Variants in GALNTL6 observed in about 807,000 individuals in gnomAD.
GALNTL6 encodes polypeptide N-acetylgalactosaminyltransferase like 6.
In GALNTL6, 46 loss-of-function variants were observed where a neutral mutation model predicts 73.7. The ratio of observed to expected loss-of-function variants is 0.62; its 90% CI spans 0.49 to 0.80. The LOEUF (loss-of-function observed/expected upper bound fraction) is 0.80, where lower values mean the gene tolerates loss of function less well. Among genes scored for constraint, GALNTL6 ranks in the 30% least tolerant of loss-of-function variants. The pLI is 0.00. For synonymous variants in GALNTL6, 259 were observed against 263.7 expected, an observed-to-expected ratio of 0.98 and a Z score of 0.17; for missense variants, 604 against 755.0, an observed-to-expected ratio of 0.80 and a Z score of 2.34.
intron 3 of GALNTL6, among the ~76,000 whole-genome samples, chr4:172,241,244 A>C (rs530226758): frequency 7.2e-5 from 11 of 152,316 alleles, no homozygotes; most frequent in Non-Finnish European, 2.9e-5. Flanking sequence ...TAGCCATCTT[A>C]GTTCCCTTCA....
chr4:172,305,826 G>A (rs1368155963), intron 3 of GALNTL6, among the ~76,000 whole-genome samples: 1 of 151,982 alleles, frequency 6.6e-6, no homozygotes, highest in Non-Finnish European at 1.5e-5. Context: ...CACCAGTTTT[G>A]TTTTATACCT....
intron 8 of GALNTL6, among the ~76,000 whole-genome samples, chr4:172,894,410 T>G (rs911979925): frequency 6.6e-5 from 10 of 152,212 alleles, no homozygotes; most frequent in Admixed American, 4.6e-4. Context: ...CCAATTTTGT[T>G]TCAAGAAATA....
At chr4:172,336,185 T>TA (rs1741310034) in intron 4 of GALNTL6, among the ~76,000 whole-genome samples, 1 of 151,944 alleles carries the variant, frequency 6.6e-6, no homozygotes, top group Non-Finnish European at 1.5e-5. Context: ...ATTTATATCT[T>TA]AATTTATTTG....
chr4:172,917,962 T>G (rs1246940711), intron 8 of GALNTL6, among the ~76,000 whole-genome samples: 1 of 152,174 alleles, frequency 6.6e-6, no homozygotes, highest in Non-Finnish European at 1.5e-5. Flanking sequence ...ATGTTTATTG[T>G]GGCACTATTC....
intron 5 of GALNTL6, among the ~76,000 whole-genome samples, chr4:172,499,064 A>G (rs966076774): frequency 4.6e-5 from 7 of 152,186 alleles, no homozygotes; most frequent in Non-Finnish European, 7.3e-5. Flanking sequence ...CCGCCCACCT[A>G]TCTAGTCCTC....
chr4:172,527,205 T>C (rs80342532), intron 5 of GALNTL6, among the ~76,000 whole-genome samples: 2,547 of 152,264 alleles, frequency 0.017, 66 homozygotes, highest in African/African-American at 0.058. Flanking sequence ...CTAACAAAGA[T>C]AACTTTTGCA....
At chr4:172,554,700 C>T (rs1736080807) in intron 5 of GALNTL6, among the ~76,000 whole-genome samples, 2 of 152,134 alleles carry the variant, frequency 1.3e-5, no homozygotes, top group African/African-American at 2.4e-5. Flanking sequence ...TTTTCCTCAA[C>T]ATTGTGGTTA....
intron 5 of GALNTL6, among the ~76,000 whole-genome samples, chr4:172,762,947 T>A (rs1738202821): frequency 6.6e-6 from 1 of 152,116 alleles, no homozygotes; most frequent in South Asian, 2.1e-4. Flanking sequence ...TTCTCTTTAC[T>A]TAAATAAAAA....
chr4:171,821,633 C>A (rs1734686359), intron 2 of GALNTL6, among the ~76,000 whole-genome samples: 1 of 119,432 alleles, frequency 8.4e-6, no homozygotes, highest in Non-Finnish European at 1.7e-5. Flanking sequence ...TATAACAAGG[C>A]TTAACGGATA....
At chr4:172,649,478 A>G (rs1579288069) in intron 5 of GALNTL6, among the ~76,000 whole-genome samples, 2 of 152,310 alleles carry the variant, frequency 1.3e-5, no homozygotes, top group South Asian at 4.1e-4. Context: ...AACTGCCTGT[A>G]TTTCTATTAA....
intron 5 of GALNTL6, among the ~76,000 whole-genome samples, chr4:172,626,970 A>G (rs1579257642): frequency 6.6e-6 from 1 of 152,188 alleles, no homozygotes; most frequent in East Asian, 1.9e-4. Flanking sequence ...TTCTTTTCCT[A>G]TTTAGATGCC....
chr4:171,907,931 T>C (rs1274071435), intron 2 of GALNTL6, among the ~76,000 whole-genome samples: 3 of 152,036 alleles, frequency 2.0e-5, no homozygotes, highest in Admixed American at 6.6e-5. Flanking sequence ...CTGGGAAAAC[T>C]GGCTAGCCAT....
At chr4:172,586,415 G>A (rs1737410258) in intron 5 of GALNTL6, among the ~76,000 whole-genome samples, 1 of 148,914 alleles carries the variant, frequency 6.7e-6, no homozygotes, top group African/African-American at 2.5e-5. Context: ...AGGTGTCCAA[G>A]ACAGTTTATG....
At chr4:172,940,274 A>C (rs1265989711) in intron 9 of GALNTL6, among the ~76,000 whole-genome samples, 1 of 151,940 alleles carries the variant, frequency 6.6e-6, no homozygotes, top group African/African-American at 2.4e-5. Flanking sequence ...TTTAAAAAAC[A>C]CTATGGACTG....
At chr4:172,069,535 A>ATG (rs58953734) in intron 2 of GALNTL6, among the ~76,000 whole-genome samples, 2,444 of 55,934 alleles carry the variant, frequency 0.044, 783 homozygotes, top group Non-Finnish European at 0.055. Context: ...TAACACATAT[A>ATG]TTATATATAA....
Position 172,206,804 on chromosome 4 carries a change from TG to T in GALNTL6, c.139-22851del, listed in dbSNP as rs1560969299. ...TTTGTTTTGTTTTGTTTTGTTTTTCTGTTTTTTTTGTTTGTTTTTTTTTTTT... is the reference window on the plus strand; with the variant it reads ...TTTGTTTTGTTTTGTTTTGTTTTTCTTTTTTTTTGTTTGTTTTTTTTTTTT... On this transcript the variant is annotated intron_variant, in intron 2 of 12. Transcript: ENST00000506823. Among the ~76,000 whole-genome samples, 6 of 9,084 alleles carry T rather than the reference TG, an allele frequency of 6.6e-4. 1 individual carries two copies. The highest frequency in any genetic ancestry group is 2.6e-3 in the Non-Finnish European group (6 of 2,348). 6.0% of individuals were successfully genotyped at this position (9,084 alleles called of 152,430 possible). A position where few individuals can be genotyped will look rare whatever the true frequency, so the allele number is the denominator to read the frequency against.
At chr4:172,004,423 T>TC (rs1740766076) in intron 2 of GALNTL6, among the ~76,000 whole-genome samples, 1 of 152,070 alleles carries the variant, frequency 6.6e-6, no homozygotes, top group South Asian at 2.1e-4. Flanking sequence ...GGTTTTTTTT[T>TC]CTTAAAAAAT....
At chr4:172,133,737 T>C (rs532416116) in intron 2 of GALNTL6, among the ~76,000 whole-genome samples, 147 of 152,284 alleles carry the variant, frequency 9.7e-4, no homozygotes, top group African/African-American at 3.4e-3. Flanking sequence ...TTCTAGTACA[T>C]GCACTTACTA....
At chr4:172,041,130 T>C (rs1214504887) in intron 2 of GALNTL6, among the ~76,000 whole-genome samples, 3 of 152,124 alleles carry the variant, frequency 2.0e-5, no homozygotes, top group Non-Finnish European at 4.4e-5. Context: ...CTCATAATTT[T>C]ACATGATGTT....
Sources: allele counts gnomAD v4.1 joint callset (sites outside exome capture counted in the v4.1 genomes callset), GRCh38; gene constraint gnomAD v4.1.1; transcripts MANE v1.5; gene names NCBI Gene and HGNC (gene_info 2026-07-23, HGNC 2026-07-21).